Variants in MSH4 observed in about 807,000 individuals in gnomAD.
The protein encoded by MSH4 is mutS protein homolog 4.
A neutral mutation model predicts 113.7 loss-of-function variants in MSH4; 106 were observed. The ratio of observed to expected loss-of-function variants is 0.93; its 90% confidence interval spans 0.80 to 1.10. MSH4 has a LOEUF of 1.10. MSH4 is among the 50% of genes least tolerant of loss of function. The probability of loss-of-function intolerance (pLI) is 0.00; values close to 1 mark genes in which losing one functional copy is unlikely to be tolerated. For missense variants in MSH4, 1,061 were observed against 1,093.7 expected (o/e 0.97, Z 0.42); for synonymous variants, 368 against 380.2 (o/e 0.97, Z 0.37).
chr1:75,867,686 A>G, intron 9 of MSH4, 98 bp downstream of exon 9: 1 of 737,190 alleles, frequency 1.4e-6, no homozygotes, highest in South Asian at 1.8e-5. Context: ...CAAGAATAAC[A>G]TGGCGAATTT....
intron 1 of MSH4, among the ~76,000 whole-genome samples, chr1:75,802,752 T>C (rs1649966726): frequency 6.6e-6 from 1 of 152,200 alleles, no homozygotes; most frequent in Admixed American, 6.5e-5. Flanking sequence ...CTGTTGCTTT[T>C]AAAAGAATAC....
chr1:75,839,365 C>T (rs1650900677), intron 7 of MSH4, among the ~76,000 whole-genome samples: 1 of 152,128 alleles, frequency 6.6e-6, no homozygotes, highest in South Asian at 2.1e-4. Flanking sequence ...CAGGCGCCCA[C>T]CACCATGCCT....
At chr1:75,887,805 T>C (rs973409260) in intron 15 of MSH4, among the ~76,000 whole-genome samples, 1 of 152,044 alleles carries the variant, frequency 6.6e-6, no homozygotes, top group Non-Finnish European at 1.5e-5. Context: ...AGTTTGTTTA[T>C]GTTTTTGTTT....
chr1:75,801,679 G>C (rs1450921696), intron 1 of MSH4, among the ~76,000 whole-genome samples: 1 of 151,390 alleles, frequency 6.6e-6, no homozygotes, highest in Non-Finnish European at 1.5e-5. Context: ...TTTGAGATCA[G>C]CCTGGGCAAT....
chr1:75,851,708 C>A (rs1651191694), intron 8 of MSH4, among the ~76,000 whole-genome samples: 1 of 152,168 alleles, frequency 6.6e-6, no homozygotes, highest in Non-Finnish European at 1.5e-5. Context: ...TCGGACACAG[C>A]CTCAGACCAC....
At chr1:75,870,458 T>C (rs1651686576) in intron 9 of MSH4, among the ~76,000 whole-genome samples, 1 of 152,164 alleles carries the variant, frequency 6.6e-6, no homozygotes. Context: ...GGTTTGGCTG[T>C]TTCCCTACCC....
intron 7 of MSH4, among the ~76,000 whole-genome samples, chr1:75,839,701 C>A: frequency 6.6e-6 from 1 of 150,476 alleles, no homozygotes; most frequent in East Asian, 2.0e-4. Context: ...TTCTGCACAG[C>A]AAAAGAAACT....
chr1:75,822,567 T>C lies in MSH4; in HGVS notation c.1148T>C (p.Phe383Ser), dbSNP rs1650446157. Reference sequence around the variant, plus strand: ...CTACTTCAAGATGAGGAACTATTTTTTGGACTTCAATCAGGTAAATCAATA... The same window carrying C: ...CTACTTCAAGATGAGGAACTATTTTCTGGACTTCAATCAGGTAAATCAATA... Reference protein sequence around the residue: ...QELLQDEELFFGLQSVISRFL... With the variant: ...QELLQDEELFSGLQSVISRFL... Residue 383 changes from phenylalanine to serine, a missense_variant, in exon 7 of 20, where the codon TTT (phenylalanine) becomes TCT (serine). Transcript: ENST00000263187. 19 of 1,516,334 alleles carry C rather than the reference T, an allele frequency of 1.3e-5. No homozygotes were observed. Among genetic ancestry groups the C allele is most frequent in the Non-Finnish European group, 1.6e-5 (18 of 1,137,204 alleles). The allele number at this position is 1,516,334 out of a possible 1,614,324, so 93.9% of individuals were successfully genotyped here. A position where few individuals can be genotyped will look rare whatever the true frequency, so the allele number is the denominator to read the frequency against.
chr1:75,871,056 A>G (rs1231539256), intron 9 of MSH4, among the ~76,000 whole-genome samples: 3 of 152,176 alleles, frequency 2.0e-5, no homozygotes, highest in African/African-American at 7.2e-5. Flanking sequence ...GATTTAATTG[A>G]CTCACAGTTC....
rs189061647 is a variant in MSH4 at position 75,811,360 on chromosome 1, C to T, written c.699+553C>T. Among the ~76,000 whole-genome samples, 436 of 152,106 alleles carry T rather than the reference C, an allele frequency of 2.9e-3. 5 individuals carry two copies. The highest frequency in any genetic ancestry group is 0.01 in the African/African-American group (422 of 41,492). On this transcript the variant is annotated intron_variant, in intron 4 of 19. Transcript: ENST00000263187. Reference sequence around the variant, plus strand: ...ATTTGGCACCCTGATCTACTTTAAACAAAAGAAAACATGTTTTAGGTAATA... The same window carrying T: ...ATTTGGCACCCTGATCTACTTTAAATAAAAGAAAACATGTTTTAGGTAATA...
intron 15 of MSH4, among the ~76,000 whole-genome samples, chr1:75,887,498 T>C (rs1211220276): frequency 6.6e-6 from 1 of 152,176 alleles, no homozygotes; most frequent in Non-Finnish European, 1.5e-5. Context: ...CCATCACTGC[T>C]GTATATACCT....
At chr1:75,895,515 C>T (rs1652360213) in intron 17 of MSH4, among the ~76,000 whole-genome samples, 1 of 152,124 alleles carries the variant, frequency 6.6e-6, no homozygotes, top group African/African-American at 2.4e-5. Context: ...CTACAACTCT[C>T]TTACCAGTTA....
At chr1:75,881,639 T>G (rs1651934793) in intron 14 of MSH4, among the ~76,000 whole-genome samples, 1 of 152,036 alleles carries the variant, frequency 6.6e-6, no homozygotes, top group Non-Finnish European at 1.5e-5. Flanking sequence ...CTGTAAGAGC[T>G]GTCTCCTTGG....
At chr1:75,835,620 A>G (rs1281215937) in intron 7 of MSH4, among the ~76,000 whole-genome samples, 1 of 152,004 alleles carries the variant, frequency 6.6e-6, no homozygotes, top group Non-Finnish European at 1.5e-5. Flanking sequence ...CCTTGCACTT[A>G]TCTCCTGTAT....
rs143902879 is a variant in MSH4, at chr1:75,816,437, T to G, written c.880T>G (p.Tyr294Asp). ...KYVEFIQNSV[Y>D]APKSLKICFQ... is the part of the protein sequence containing the mutation. ...TGTTGAATTTATTCAAAATTCAGTT[T>G]ATGCACCAAAATCACTGAAGATTTG... The change falls in exon 6 of 20, where the codon TAT becomes GAT. Residue 294 changes from tyrosine to aspartate, a missense_variant. Coordinates refer to ENST00000263187, the MANE Select transcript of MSH4 (RefSeq NM_002440.4). 6.2e-7 allele frequency: 1 copy of G among 1,610,048 alleles called. No individual in the cohort carries two copies. The highest frequency in any genetic ancestry group is 1.3e-5 in the African/African-American group (1 of 74,870).
chr1:75,868,021 C>A (rs998125754), intron 9 of MSH4, among the ~76,000 whole-genome samples: 1 of 151,896 alleles, frequency 6.6e-6, no homozygotes, highest in Admixed American at 6.6e-5. Context: ...TATTTAATGT[C>A]ATGTTTTTTA....
At chr1:75,803,565 C>T (rs556248654) in intron 1 of MSH4, among the ~76,000 whole-genome samples, 166 bp from the exon 2 acceptor site, 21 of 151,688 alleles carry the variant, frequency 1.4e-4, no homozygotes, top group Non-Finnish European at 2.5e-4. Context: ...TGCAGTGAGC[C>T]GAGATCATGC....
At position 75,824,904 on chromosome 1, in the gene MSH4, G is replaced by GT. The variant is rs71588855; in HGVS notation, c.1162+2338dup. Among the ~76,000 whole-genome samples, 859 of 120,212 alleles carry GT rather than the reference G, an allele frequency of 7.1e-3. 14 individuals carry two copies. The highest frequency in any genetic ancestry group is 0.024 in the African/African-American group (799 of 32,640). 78.9% of individuals were successfully genotyped at this position (120,212 alleles called of 152,430 possible). On this transcript the variant is annotated intron_variant, in intron 7 of 19. Transcript: ENST00000263187. ...CAGGTAGCATAATACCTTCAGCTTTGTTTTTTTTTTTTTTTGCTTAGGATT... is the reference window on the plus strand; with the variant it reads ...CAGGTAGCATAATACCTTCAGCTTTGTTTTTTTTTTTTTTTTGCTTAGGATT...
intron 13 of MSH4, 59 bp from the exon 14 acceptor site, chr1:75,881,187 T>C (rs1651923454): frequency 7.5e-7 from 1 of 1,341,236 alleles, no homozygotes. Context: ...ATTTTACGAT[T>C]ACAATGTATG....
Sources: gnomAD v4.1 joint callset for allele counts (sites outside exome capture counted in the v4.1 genomes callset) on GRCh38, gnomAD v4.1.1 for gene constraint, MANE v1.5 for transcripts, NCBI Gene and HGNC (gene_info 2026-07-23, HGNC 2026-07-21) for gene names.